GRIK2: variants seen among roughly 807,000 people sequenced by gnomAD.
GRIK2 encodes the protein glutamate ionotropic receptor kainate type subunit 2.
Under a neutral mutation model 100.3 loss-of-function variants are expected in GRIK2, and 32 were observed. The observed-to-expected ratio is 0.32, with a 90% CI of 0.24 to 0.43. The LOEUF (loss-of-function observed/expected upper bound fraction) is 0.43. Among genes scored for constraint, GRIK2 ranks in the 20% least tolerant of loss-of-function variants. The pLI is 1.00. For synonymous variants in GRIK2, 417 were observed against 389.4 expected (o/e 1.07, Z -0.83); for missense variants, 843 against 1,114.9 (o/e 0.76, Z 3.47).
At chr6:101,794,786 T>C (rs2128410697) in intron 7 of GRIK2, among the ~76,000 whole-genome samples, 2 of 152,240 alleles carry the variant, frequency 1.3e-5, no homozygotes, top group South Asian at 4.1e-4. Context: ...GTGTCATACT[T>C]CCTGGATTTT....
chr6:101,948,780 AG>A (rs926688275), intron 14 of GRIK2, among the ~76,000 whole-genome samples: 49 of 152,120 alleles, frequency 3.2e-4, no homozygotes, highest in African/African-American at 1.1e-3. Flanking sequence ...TGGCCTAAAA[AG>A]GGTTTTAAAG....
At chr6:101,587,187 G>A (rs959838795) in intron 2 of GRIK2, among the ~76,000 whole-genome samples, 1 of 151,840 alleles carries the variant, frequency 6.6e-6, no homozygotes, top group Non-Finnish European at 1.5e-5. Context: ...TAGAACTGCT[G>A]GAAATGAAAA....
intron 7 of GRIK2, among the ~76,000 whole-genome samples, chr6:101,763,440 A>G (rs1314615900): frequency 6.6e-6 from 1 of 152,166 alleles, no homozygotes; most frequent in Non-Finnish European, 1.5e-5. Flanking sequence ...ATGTGTTATG[A>G]ATGTCTATGT....
At chr6:101,942,311 A>G (rs1429667056) in intron 14 of GRIK2, among the ~76,000 whole-genome samples, 2 of 152,164 alleles carry the variant, frequency 1.3e-5, no homozygotes, top group African/African-American at 2.4e-5. Flanking sequence ...TAGCACTGTG[A>G]AACAGACTAA....
At position 101,621,952 on chromosome 6, in the gene GRIK2, G is replaced by T. The variant is rs375784351; in HGVS notation, c.119G>T (p.Gly40Val). 43 of 1,596,390 alleles carry T rather than the reference G, an allele frequency of 2.7e-5. No individual in the cohort carries two copies. Among genetic ancestry groups the T allele is most frequent in the Non-Finnish European group, 3.3e-5 (39 of 1,165,668 alleles). Residue 40 changes from glycine (G) to valine (V), a missense_variant, in exon 3 of 17, where the codon GGT becomes GTT. Physicochemically the swap from Gly to Val is moderately radical, Grantham distance 109. Transcript: ENST00000369134. ...QGTTHVLRFGGIFEYVESGPM... is the reference protein window; with the variant it reads ...QGTTHVLRFGVIFEYVESGPM... ...TTTTTCTCTTTCTTTTTGCCAGGTG[G>T]TATTTTTGAATATGTGGAATCTGGC...
At chr6:101,800,855 T>A (rs1015945639) in intron 8 of GRIK2, among the ~76,000 whole-genome samples, 9 of 152,004 alleles carry the variant, frequency 5.9e-5, no homozygotes, top group Admixed American at 1.3e-4. Context: ...AACAATGACG[T>A]GTCAAGCAGC....
In GRIK2 at chr6:101,487,980, C is replaced by G. The variant is rs577958073; in HGVS notation, c.115+88588C>G. 1.4e-4 allele frequency among the ~76,000 whole-genome samples: 20 copies of G among 146,076 alleles called. No homozygotes were observed. The East Asian group carries it at 2.7e-3, about 20-fold the overall frequency. Reference sequence around the variant, plus strand: ...ATTTTTACCTTCTTTTGATTTTTGGCTAAAAATTATGTTCAGATGGATGTC... The same window carrying G: ...ATTTTTACCTTCTTTTGATTTTTGGGTAAAAATTATGTTCAGATGGATGTC... On this transcript the variant is annotated intron_variant, in intron 2 of 16. Transcript: ENST00000369134.
At chr6:101,458,919 T>G (rs1332396536) in intron 2 of GRIK2, among the ~76,000 whole-genome samples, 1 of 152,184 alleles carries the variant, frequency 6.6e-6, no homozygotes, top group Non-Finnish European at 1.5e-5. Flanking sequence ...GTGTTCAAAC[T>G]GTGATTGAAT....
chr6:101,919,093 A>G (rs1308599209), intron 12 of GRIK2, among the ~76,000 whole-genome samples: 1 of 151,660 alleles, frequency 6.6e-6, no homozygotes, highest in Non-Finnish European at 1.5e-5. Context: ...AGTTAAAAAT[A>G]TTGAGTCATA....
intron 2 of GRIK2, among the ~76,000 whole-genome samples, chr6:101,602,067 A>T (rs1178960502): frequency 6.6e-6 from 1 of 151,672 alleles, no homozygotes; most frequent in African/African-American, 2.4e-5. Flanking sequence ...TAGCACCATA[A>T]ACTTTAGTCT....
intron 11 of GRIK2, among the ~76,000 whole-genome samples, chr6:101,865,599 C>G (rs1258847791): frequency 6.6e-6 from 1 of 151,946 alleles, no homozygotes; most frequent in East Asian, 1.9e-4. Flanking sequence ...TGAAAATAAA[C>G]AAAAAGGCTA....
At chr6:101,499,786 G>A (rs187109616) in intron 2 of GRIK2, among the ~76,000 whole-genome samples, 60 of 151,922 alleles carry the variant, frequency 3.9e-4, no homozygotes, top group African/African-American at 1.3e-3. Flanking sequence ...AAGCATATAC[G>A]CGTTGTAAGA....
chr6:101,430,712 T>G (rs1769331333), intron 2 of GRIK2: 2 of 182,814 alleles, frequency 1.1e-5, no homozygotes, highest in African/African-American at 4.8e-5. Flanking sequence ...AAAGCGCCTC[T>G]GGACACCAGA....
chr6:101,956,148 T>C (rs558719076), intron 14 of GRIK2, among the ~76,000 whole-genome samples: 1 of 152,144 alleles, frequency 6.6e-6, no homozygotes, highest in Admixed American at 6.5e-5. Flanking sequence ...TCTTTTATCT[T>C]TAAATTACTA....
rs543928488 is a variant in GRIK2 at position 101,762,365 on chromosome 6, T to A, written c.952-37283T>A. Reference sequence around the variant, plus strand: ...AATTTTTTTATTTTATTATTTTTTTTAAAGACAGGGTCTTGCTATGCTGCC... The same window carrying A: ...AATTTTTTTATTTTATTATTTTTTTAAAAGACAGGGTCTTGCTATGCTGCC... On this transcript the variant is annotated intron_variant, in intron 7 of 16. Transcript: ENST00000369134. 3.1e-3 allele frequency among the ~76,000 whole-genome samples: 477 copies of A among 152,026 alleles called. 1 individual carries two copies. The highest frequency in any genetic ancestry group is 0.017 in the South Asian group (81 of 4,810).
intron 7 of GRIK2, among the ~76,000 whole-genome samples, chr6:101,709,556 T>C (rs969589956): frequency 2.0e-5 from 3 of 151,888 alleles, no homozygotes; most frequent in Non-Finnish European, 2.9e-5. Flanking sequence ...ATATGCATGT[T>C]TGTCTATTTA....
At chr6:101,607,489 G>A (rs983204936) in intron 2 of GRIK2, among the ~76,000 whole-genome samples, 2 of 151,960 alleles carry the variant, frequency 1.3e-5, no homozygotes, top group Non-Finnish European at 2.9e-5. Flanking sequence ...CTGCTGAAAC[G>A]TGTTATTCTT....
intron 12 of GRIK2, among the ~76,000 whole-genome samples, chr6:101,910,860 CACACAT>C (rs1236837673): frequency 3.3e-5 from 5 of 150,252 alleles, no homozygotes; most frequent in Non-Finnish European, 7.4e-5. Context: ...CACACACACA[CACACAT>C]ACACAAGCAT....
chr6:102,027,079 C>A (rs778809624), intron 14 of GRIK2, among the ~76,000 whole-genome samples: 68 of 151,306 alleles, frequency 4.5e-4, no homozygotes, highest in Non-Finnish European at 7.3e-4. Context: ...CCAAGGGAGA[C>A]CTTGCTATGA....
Sources: allele counts gnomAD v4.1 joint callset (sites outside exome capture counted in the v4.1 genomes callset), GRCh38; gene constraint gnomAD v4.1.1; transcripts MANE v1.5; gene names NCBI Gene and HGNC (gene_info 2026-07-23, HGNC 2026-07-21).